Variants in MDFIC2 observed in about 807,000 individuals in gnomAD.
MDFIC2 encodes the protein MyoD family inhibitor domain containing 2, also known as myoD family inhibitor domain-containing protein 2.
At chr3:70,299,421 A>G (rs1200764906) in intron 2 of MDFIC2, among the ~76,000 whole-genome samples, 1 of 152,058 alleles carries the variant, frequency 6.6e-6, no homozygotes, top group African/African-American at 2.4e-5. Flanking sequence ...TCATATTCTA[A>G]TTTTTCTAAA....
intron 2 of MDFIC2, among the ~76,000 whole-genome samples, chr3:70,304,950 T>A (rs1702385580): frequency 6.6e-6 from 1 of 152,160 alleles, no homozygotes; most frequent in Non-Finnish European, 1.5e-5. Context: ...TACTCTGAGC[T>A]GTACTATCTT....
intron 2 of MDFIC2, among the ~76,000 whole-genome samples, chr3:70,280,568 C>A (rs562212712): frequency 6.6e-6 from 1 of 152,248 alleles, no homozygotes; most frequent in African/African-American, 2.4e-5. Flanking sequence ...ACTCAGAAAA[C>A]GATATCCTAA....
chr3:70,251,983 T>G (rs1701773592), intron 2 of MDFIC2, among the ~76,000 whole-genome samples: 1 of 152,336 alleles, frequency 6.6e-6, no homozygotes, highest in African/African-American at 2.4e-5. Context: ...TCAAAACACG[T>G]GTTAAGGAAC....
At chr3:70,212,374 C>A (rs1701360071) in intron 2 of MDFIC2, among the ~76,000 whole-genome samples, 1 of 152,120 alleles carries the variant, frequency 6.6e-6, no homozygotes, top group Non-Finnish European at 1.5e-5. Context: ...ACTGGAATAA[C>A]TCTGGCTATC....
chr3:70,270,411 C>A (rs1459899429), intron 2 of MDFIC2, among the ~76,000 whole-genome samples: 4 of 152,152 alleles, frequency 2.6e-5, no homozygotes, highest in Admixed American at 6.5e-5. Context: ...AGACCAAACA[C>A]ATATAAATAC....
chr3:70,311,212 C>T (rs910111700), intron 2 of MDFIC2, among the ~76,000 whole-genome samples: 3 of 152,136 alleles, frequency 2.0e-5, no homozygotes, highest in Admixed American at 1.3e-4. Context: ...AAAGACGCAG[C>T]ATACCTATTT....
intron 2 of MDFIC2, among the ~76,000 whole-genome samples, chr3:70,251,643 G>T (rs1359237727): frequency 6.6e-6 from 1 of 152,134 alleles, no homozygotes; most frequent in Non-Finnish European, 1.5e-5. Flanking sequence ...TTTAGGTTCT[G>T]CTTTTGCATT....
intron 2 of MDFIC2, among the ~76,000 whole-genome samples, chr3:70,268,450 G>C (rs1339410465): frequency 1.4e-5 from 2 of 138,828 alleles, no homozygotes; most frequent in African/African-American, 2.7e-5. Flanking sequence ...ACTCCAGCCT[G>C]GGCAACAGAG....
intron 2 of MDFIC2, among the ~76,000 whole-genome samples, chr3:70,222,158 A>C (rs1215692500): frequency 6.6e-6 from 1 of 152,134 alleles, no homozygotes; most frequent in Non-Finnish European, 1.5e-5. Flanking sequence ...ACACAGGCAA[A>C]GGTATTCTGC....
At chr3:70,272,569 G>A (rs1349479057) in intron 2 of MDFIC2, among the ~76,000 whole-genome samples, 3 of 152,138 alleles carry the variant, frequency 2.0e-5, no homozygotes, top group South Asian at 2.1e-4. Context: ...AAACATTCCC[G>A]TACAGGTCTT....
intron 2 of MDFIC2, among the ~76,000 whole-genome samples, chr3:70,303,948 G>T (rs6768337): frequency 0.11 from 16,821 of 152,214 alleles, 1,063 homozygotes; most frequent in South Asian, 0.14. Context: ...TTCTCAAGGT[G>T]CTGGAATTAC....
chr3:70,259,454 C>T (rs896146828), intron 2 of MDFIC2, among the ~76,000 whole-genome samples: 2 of 152,002 alleles, frequency 1.3e-5, no homozygotes, highest in African/African-American at 2.4e-5. Context: ...CCAAACCTCA[C>T]ACCCAGGTCT....
intron 2 of MDFIC2, among the ~76,000 whole-genome samples, chr3:70,287,887 G>A (rs1481309558): frequency 1.3e-5 from 2 of 151,970 alleles, no homozygotes; most frequent in Non-Finnish European, 2.9e-5. Flanking sequence ...TTGTATTTCT[G>A]TGGGATCAGT....
intron 2 of MDFIC2, among the ~76,000 whole-genome samples, chr3:70,271,061 A>T (rs1289045598): frequency 6.6e-6 from 1 of 152,218 alleles, no homozygotes; most frequent in Admixed American, 6.5e-5. Context: ...GAAAATAAAA[A>T]AAAACAGTAA....
At chr3:70,308,181 G>A (rs980383920) in intron 2 of MDFIC2, among the ~76,000 whole-genome samples, 1 of 152,086 alleles carries the variant, frequency 6.6e-6, no homozygotes, top group Non-Finnish European at 1.5e-5. Context: ...CTGTCTAGTA[G>A]TTGGGACTAT....
chr3:70,248,061 G>A (rs781175341), intron 2 of MDFIC2, among the ~76,000 whole-genome samples: 8 of 151,996 alleles, frequency 5.3e-5, no homozygotes, highest in Non-Finnish European at 7.4e-5. Context: ...TGGTAAAGGA[G>A]ATAGGCTAAC....
chr3:70,288,781 TC>T (rs1402189105), intron 2 of MDFIC2, among the ~76,000 whole-genome samples: 3 of 151,910 alleles, frequency 2.0e-5, no homozygotes, highest in Non-Finnish European at 4.4e-5. Flanking sequence ...AGTTAGCTCT[TC>T]TTGTTGAATT....
chr3:70,232,332 A>G (rs772134282), intron 2 of MDFIC2, among the ~76,000 whole-genome samples: 2 of 152,104 alleles, frequency 1.3e-5, no homozygotes, highest in Non-Finnish European at 2.9e-5. Context: ...CCTCATGATC[A>G]GTGCACATGT....
chr3:70,303,281 T>C (rs1423120348), intron 2 of MDFIC2, among the ~76,000 whole-genome samples: 1 of 152,090 alleles, frequency 6.6e-6, no homozygotes, highest in Non-Finnish European at 1.5e-5. Flanking sequence ...TACCTCTCAT[T>C]GTGTGTAGCA....
Sources: allele counts gnomAD v4.1 joint callset (sites outside exome capture counted in the v4.1 genomes callset), GRCh38; gene constraint gnomAD v4.1.1; transcripts MANE v1.5; gene names NCBI Gene and HGNC (gene_info 2026-07-23, HGNC 2026-07-21).